The following KDM5C variants were observed in gnomAD, a reference collection of about 807,000 sequenced individuals.
KDM5C encodes lysine demethylase 5C.
KDM5C carries 16 observed loss-of-function variants against 110.6 expected under a neutral mutation model. That is an observed-to-expected ratio of 0.14 (90% confidence interval 0.10 to 0.22). The LOEUF (loss-of-function observed/expected upper bound fraction) is 0.22. Among genes scored for constraint, KDM5C ranks in the 10% least tolerant of loss-of-function variants. KDM5C has a pLI of 1.00. For synonymous variants in KDM5C, 511 were observed against 520.4 expected, an observed-to-expected ratio of 0.98 and a Z score of 0.24; for missense variants, 681 against 1,300.9, an observed-to-expected ratio of 0.52 and a Z score of 7.33.
downstream of KDM5C, among the ~76,000 whole-genome samples, chrX:53,190,679 T>C (rs782381890): frequency 6.3e-5 from 7 of 111,601 alleles, no homozygotes; most frequent in African/African-American, 1.6e-4. Flanking sequence ...CCTCTCTCTC[T>C]CCTTACTTGT....
At chrX:53,193,958 G>T in intron 23 of KDM5C, 107 bp from the exon 24 acceptor site, 1 of 952,908 alleles carries the variant, frequency 1.0e-6, no homozygotes, top group Non-Finnish European at 1.5e-6. Flanking sequence ...TGGAGGAGGA[G>T]GGAAGACACA....
chrX:53,217,431 C>T (rs1276423672), intron 4 of KDM5C, among the ~76,000 whole-genome samples, 154 bp from the exon 5 acceptor site: 1 of 111,439 alleles, frequency 9.0e-6, no homozygotes, highest in African/African-American at 3.3e-5. Flanking sequence ...AGCACTGACA[C>T]CAGCACACAT....
intron 1 of KDM5C, among the ~76,000 whole-genome samples, chrX:53,221,194 A>T (rs2073889792): frequency 9.1e-6 from 1 of 109,298 alleles, no homozygotes; most frequent in East Asian, 2.9e-4. Context: ...CAGGATTTCA[A>T]GAAATTAAGA....
Position 53,201,911 on chromosome X carries a change from G to A in KDM5C, c.1809C>T (p.Ser603=), listed in dbSNP as rs782540092. 1.2e-5 allele frequency: 15 copies of A among 1,211,921 alleles called. No homozygotes were observed. Among genetic ancestry groups the A allele is most frequent in the African/African-American group, 1.7e-5 (1 of 57,867 alleles). Residue 603 remains serine (S), a synonymous_variant, in exon 13 of 26, where the codon AGC becomes AGT. Transcript: ENST00000375401. ...CAAAGTTGTAGCCTTGGTTGAAGCCGCTGTGGTAAGCACGGGGGAAGGTGA... is the reference window on the plus strand; with the variant it reads ...CAAAGTTGTAGCCTTGGTTGAAGCCACTGTGGTAAGCACGGGGGAAGGTGA... The part of the protein sequence containing the change: ...FVITFPRAYH[S]GFNQGYNFAE...
intron 2 of KDM5C, among the ~76,000 whole-genome samples, chrX:53,220,608 A>C (rs192748049): frequency 7.3e-4 from 82 of 112,610 alleles, no homozygotes; most frequent in African/African-American, 2.4e-3. Context: ...ATATGTCCCC[A>C]GCCTTTGGGC....
rs1569257661 is a variant in KDM5C, at chrX:53,194,197, T to C, written c.3980A>G (p.Tyr1327Cys). Residue 1327 changes from tyrosine to cysteine, a missense_variant, in exon 23 of 26, where the codon TAC becomes TGC. Tyr to Cys is a radical substitution (Grantham distance 194). Transcript: ENST00000375401. Reference protein sequence around the residue: ...AEPRPEEPPNYPAAPASDPLR... With the variant: ...AEPRPEEPPNCPAAPASDPLR... ...GGGGTCAGAAGCAGGGGCTGCAGGG[T>C]AGTTAGGAGGCTCCTCAGGTCTAGG... 3.3e-6 allele frequency: 4 copies of C among 1,209,120 alleles called. No homozygotes were observed. The highest frequency in any genetic ancestry group is 4.5e-6 in the Non-Finnish European group (4 of 894,178).
At chrX:53,223,225 C>T (rs782526526) in intron 1 of KDM5C, among the ~76,000 whole-genome samples, 32 of 111,638 alleles carry the variant, frequency 2.9e-4, no homozygotes, top group Non-Finnish European at 7.5e-5. Flanking sequence ...TCAGCTATGC[C>T]TCTTTTTCCC....
intron 7 of KDM5C, chrX:53,215,567 C>T: frequency 4.5e-6 from 2 of 447,227 alleles, no homozygotes; most frequent in South Asian, 6.6e-5. Flanking sequence ...AGTGAGACTC[C>T]TTCTCTGGAC....
chrX:53,188,587 T>C (rs1250544440), downstream of KDM5C, among the ~76,000 whole-genome samples: 2 of 110,368 alleles, frequency 1.8e-5, no homozygotes, highest in African/African-American at 6.6e-5. Flanking sequence ...GTTGGTCAGG[T>C]TGGTCTCGAA....
chrX:53,191,161 C>T (rs781956272), downstream of KDM5C, among the ~76,000 whole-genome samples: 18 of 111,582 alleles, frequency 1.6e-4, no homozygotes, highest in South Asian at 6.4e-3. Context: ...ATGCAAACAC[C>T]CACAAAAACA....
chrX:53,183,568 T>C (rs1370370510), intron 25 of KDM5C, among the ~76,000 whole-genome samples: 3 of 109,075 alleles, frequency 2.8e-5, no homozygotes, highest in African/African-American at 1.0e-4. Context: ...TCATTTCTTT[T>C]TTTTTTCTTT....
intron 25 of KDM5C, among the ~76,000 whole-genome samples, chrX:53,185,528 T>A (rs782429050): frequency 1.8e-5 from 2 of 112,147 alleles, no homozygotes; most frequent in South Asian, 7.4e-4. Context: ...AGTACATGAA[T>A]GAGTACCAGT....
At chrX:53,210,997 T>C in intron 10 of KDM5C, 140 bp from the exon 11 acceptor site, 1 of 530,354 alleles carries the variant, frequency 1.9e-6, no homozygotes, top group Non-Finnish European at 3.3e-6. Context: ...ATATAGGTTT[T>C]CTCCCTACCT....
intron 1 of KDM5C, among the ~76,000 whole-genome samples, chrX:53,223,676 C>CT (rs1166005156): frequency 1.8e-5 from 2 of 112,294 alleles, no homozygotes; most frequent in East Asian, 5.5e-4. Context: ...TGGGAGACTT[C>CT]TAGCCTGAAG....
rs146533658 is a variant in KDM5C at position 53,198,852 on chromosome X, C to T, written c.2280G>A (p.Leu760=). The change falls in exon 16 of 26, where the codon CTG becomes CTA. Residue 760 remains leucine, a synonymous_variant. Coordinates refer to ENST00000375401, the MANE Select transcript of KDM5C (RefSeq NM_004187.5). ...ACTCAGCCCGAACCTTCAGCTTATG[C>T]AGCATGGCAGGAAGCTCATCCAAGG... ...RYTLDELPAM[L]HKLKVRAESF... 1.1e-5 allele frequency: 13 copies of T among 1,210,704 alleles called. No homozygotes were observed. Among genetic ancestry groups the T allele is most frequent in the Non-Finnish European group, 1.3e-5 (12 of 895,299 alleles).
In KDM5C at chrX:53,196,884, G is replaced by A. The variant is rs1556837402; in HGVS notation, c.2783C>T (p.Ala928Val). The A allele has an allele frequency of 4.2e-6, 5 of 1,201,288 alleles. No homozygotes were observed. Among genetic ancestry groups the A allele is most frequent in the Middle Eastern group, 2.4e-4 (1 of 4,234 alleles). ...GCGTTTCACCTCATCCAGCCATCGCGCCTGTTCCACCTGCCGCTGGAGCTG... is the reference window on the plus strand; with the variant it reads ...GCGTTTCACCTCATCCAGCCATCGCACCTGTTCCACCTGCCGCTGGAGCTG... Reference protein sequence around the residue: ...AQQLQRQVEQARWLDEVKRTL... With the variant: ...AQQLQRQVEQVRWLDEVKRTL... Residue 928 changes from alanine to valine, a missense_variant, in exon 19 of 26, where the codon GCG becomes GTG. Physicochemically the swap from Ala to Val is moderately conservative, Grantham distance 64 (BLOSUM62 0). This residue lies in a region of KDM5C where 123 missense variants were observed against 169.0 expected (regional missense o/e 0.73). Coordinates refer to ENST00000375401, the MANE Select transcript of KDM5C (RefSeq NM_004187.5).
intron 25 of KDM5C, among the ~76,000 whole-genome samples, chrX:53,177,451 T>TAAG (rs782428610): frequency 8.8e-6 from 1 of 113,002 alleles, no homozygotes; most frequent in South Asian, 3.6e-4. Flanking sequence ...CATCTGAATA[T>TAAG]AATGACATTC....
At chrX:53,189,154 G>A (rs781907987), downstream of KDM5C, among the ~76,000 whole-genome samples, 12 of 112,512 alleles carry the variant, frequency 1.1e-4, no homozygotes, top group African/African-American at 2.9e-4. Context: ...TGGAGGTTAT[G>A]TACCTCGGCA....
In KDM5C at chrX:53,192,832, T is replaced by TCAGGGGTGGGGGGGGTG; in HGVS notation, c.*134_*135insCACCCCCCCCACCCCTG. On this transcript the variant is annotated 3_prime_UTR_variant, in exon 26 of 26. Coordinates refer to ENST00000375401, the MANE Select transcript of KDM5C (RefSeq NM_004187.5). ...AGTCAGAATACAAAAGTCAAGGGAC[T>TCAGGGGTGGGGGGGGTG]CAGGGGTGGGCGGGTAGCAGGGATG... The TCAGGGGTGGGGGGGGTG allele has an allele frequency of 1.9e-6, 2 of 1,056,420 alleles. No homozygotes were observed. Among genetic ancestry groups the TCAGGGGTGGGGGGGGTG allele is most frequent in the East Asian group, 3.5e-5 (1 of 28,957 alleles). 87.1% of individuals were successfully genotyped at this position (1,056,420 alleles called of 1,213,427 possible).
Sources: gnomAD v4.1 joint callset for allele counts (sites outside exome capture counted in the v4.1 genomes callset) on GRCh38, gnomAD v4.1.1 for gene constraint, gnomAD v4.1.1 regional missense constraint, MANE v1.5 for transcripts, NCBI Gene and HGNC (gene_info 2026-07-23, HGNC 2026-07-21) for gene names.